The following SPRY3 variants were observed in gnomAD, a reference collection of about 807,000 sequenced individuals.
SPRY3 encodes the protein sprouty RTK signaling antagonist 3.
A neutral mutation model predicts 20.2 loss-of-function variants in SPRY3; 15 were observed. That is an observed-to-expected ratio of 0.74 (90% confidence interval 0.50 to 1.14). SPRY3 has a LOEUF of 1.14. SPRY3 is among the 50% of genes most tolerant of loss of function. The pLI, the probability that SPRY3 is intolerant of heterozygous loss-of-function variation, is 0.00. For missense variants in SPRY3, 364 were observed against 363.9 expected (o/e 1.00, Z 0.00); for synonymous variants, 143 against 136.5 (o/e 1.05, Z -0.33).
intron 1 of SPRY3, among the ~76,000 whole-genome samples, chrX:155,650,948 G>A (rs2067975377): frequency 8.9e-6 from 1 of 111,805 alleles, no homozygotes; most frequent in African/African-American, 3.3e-5. Context: ...GGGGCATGTG[G>A]TAATTACATT....
At chrX:155,734,999 CCTT>C (rs1445460331) in intron 2 of SPRY3, among the ~76,000 whole-genome samples, 2 of 151,566 alleles carry the variant, frequency 1.3e-5, no homozygotes, top group African/African-American at 4.8e-5. Flanking sequence ...CTATTAATAG[CCTT>C]CTAAGCACTG....
intron 2 of SPRY3, among the ~76,000 whole-genome samples, chrX:155,715,131 T>A (rs1355627009): frequency 6.6e-6 from 1 of 152,100 alleles, no homozygotes; most frequent in Non-Finnish European, 1.5e-5. Flanking sequence ...TTTCCTCTGC[T>A]TTTCTCAAAC....
intron 1 of SPRY3, among the ~76,000 whole-genome samples, chrX:155,621,170 ACT>A (rs1557349381): frequency 9.0e-6 from 1 of 111,533 alleles, no homozygotes; most frequent in Non-Finnish European, 1.9e-5. Flanking sequence ...TTGTGATCAA[ACT>A]CTGTCACTAT....
At chrX:155,766,603 A>G (rs2091331817) in intron 2 of SPRY3, among the ~76,000 whole-genome samples, 2 of 152,298 alleles carry the variant, frequency 1.3e-5, no homozygotes, top group Non-Finnish European at 2.9e-5. Context: ...TTTATTTTAA[A>G]TATAAAGCTG....
At chrX:155,773,545 A>C (rs2091397409) in intron 3 of SPRY3, among the ~76,000 whole-genome samples, 1 of 152,018 alleles carries the variant, frequency 6.6e-6, no homozygotes, top group East Asian at 1.9e-4. Context: ...AGAATCAACT[A>C]TCTGATATTT....
At chrX:155,612,895 C>A (rs928376219) in intron 1 of SPRY3, 1 of 111,985 alleles carries the variant, frequency 8.9e-6, no homozygotes, top group African/African-American at 3.2e-5. Flanking sequence ...TTTTCACCCC[C>A]AAAACTGTCG....
Position 155,771,418 on chromosome X carries a change from A to C in SPRY3, c.-106-2348A>C, listed in dbSNP as rs190927835. 1.8e-3 allele frequency among the ~76,000 whole-genome samples: 273 copies of C among 152,238 alleles called. 1 individual carries two copies. Among genetic ancestry groups the C allele is most frequent in the African/African-American group, 6.0e-3 (249 of 41,554 alleles). On this transcript the variant is annotated intron_variant, in intron 3 of 3. Transcript: ENST00000675360. The stretch of plus-strand genomic sequence containing the variant: ...ATCTCCTGTAACTTTGAGACCTTGT[A>C]TAACTTCCTTTAAATTATTGCTTCC...
At chrX:155,719,762 C>T (rs1235169475) in intron 2 of SPRY3, among the ~76,000 whole-genome samples, 2 of 152,054 alleles carry the variant, frequency 1.3e-5, no homozygotes, top group South Asian at 2.1e-4. Flanking sequence ...AGGACCCAGT[C>T]CTGGCAGCAT....
chrX:155,748,551 A>G (rs1024962559), intron 2 of SPRY3, among the ~76,000 whole-genome samples: 4 of 151,848 alleles, frequency 2.6e-5, no homozygotes, highest in African/African-American at 7.2e-5. Context: ...AGTATATTTC[A>G]TTAAAGGAAT....
downstream of SPRY3, chrX:155,778,604 T>C (rs917897401): frequency 1.2e-5 from 2 of 167,052 alleles, no homozygotes; most frequent in Non-Finnish European, 2.9e-5. Context: ...CATTCAACCT[T>C]ATTGATTATA....
At chrX:155,697,671 A>G (rs1413289635) in intron 2 of SPRY3, among the ~76,000 whole-genome samples, 3 of 107,556 alleles carry the variant, frequency 2.8e-5, no homozygotes, top group Non-Finnish European at 3.8e-5. Context: ...TGTGTGTATA[A>G]ATTGGTTCTG....
At chrX:155,642,527 A>G (rs2067945466) in intron 1 of SPRY3, among the ~76,000 whole-genome samples, 1 of 110,536 alleles carries the variant, frequency 9.0e-6, no homozygotes, top group African/African-American at 3.3e-5. Context: ...AATTTGGGGT[A>G]TGGTTTACTC....
chrX:155,714,290 G>A (rs974760999), intron 2 of SPRY3, among the ~76,000 whole-genome samples: 10 of 152,252 alleles, frequency 6.6e-5, no homozygotes, highest in Non-Finnish European at 1.2e-4. Flanking sequence ...GAGTGTTGAA[G>A]TGTTAGGCAT....
intron 2 of SPRY3, among the ~76,000 whole-genome samples, chrX:155,677,902 T>C (rs1294408987): frequency 2.7e-5 from 3 of 111,531 alleles, no homozygotes; most frequent in Non-Finnish European, 3.8e-5. Flanking sequence ...AGTCTTTCAC[T>C]ACCCCCATTG....
chrX:155,745,205 C>T (rs748190492), intron 2 of SPRY3, among the ~76,000 whole-genome samples: 2 of 152,220 alleles, frequency 1.3e-5, no homozygotes, highest in South Asian at 4.2e-4. Flanking sequence ...TAAAAATAGG[C>T]AACTAGAGGG....
chrX:155,671,491 C>T (rs1301928454), intron 2 of SPRY3, among the ~76,000 whole-genome samples: 1 of 111,307 alleles, frequency 9.0e-6, no homozygotes, highest in Non-Finnish European at 1.9e-5. Context: ...GGTCTCATTC[C>T]AAGTCCTAAT....
intron 2 of SPRY3, among the ~76,000 whole-genome samples, chrX:155,702,356 A>G (rs2090919369): frequency 9.0e-5 from 1 of 11,070 alleles, no homozygotes; most frequent in Non-Finnish European, 1.8e-4. Context: ...ATTCCTAGGT[A>G]TTTTATTCTC....
intron 2 of SPRY3, among the ~76,000 whole-genome samples, chrX:155,739,352 T>C (rs2091190304): frequency 6.6e-6 from 1 of 152,158 alleles, no homozygotes. Context: ...AACCACTGTC[T>C]CTGCAGTTCA....
intron 2 of SPRY3, among the ~76,000 whole-genome samples, chrX:155,753,286 A>G (rs2091271324): frequency 6.6e-6 from 1 of 151,014 alleles, no homozygotes; most frequent in South Asian, 2.1e-4. Flanking sequence ...TGAAACCACA[A>G]ATTGACTTTT....
Sources: gnomAD v4.1 joint callset for allele counts (sites outside exome capture counted in the v4.1 genomes callset) on GRCh38, gnomAD v4.1.1 for gene constraint, MANE v1.5 for transcripts, NCBI Gene and HGNC (gene_info 2026-07-23, HGNC 2026-07-21) for gene names.